Variants in PSD3 observed in about 807,000 individuals in gnomAD.
The protein encoded by PSD3 is PH and SEC7 domain-containing protein 3.
In PSD3, 49 loss-of-function variants were observed where a neutral mutation model predicts 105.5. The ratio of observed to expected loss-of-function variants is 0.46; its 90% CI spans 0.37 to 0.59. PSD3 has a LOEUF of 0.59. Among genes scored for constraint, PSD3 ranks in the 20% least tolerant of loss-of-function variants. The pLI is 0.00. For synonymous variants in PSD3, 557 were observed against 457.8 expected (o/e 1.22, Z -2.77); for missense variants, 1,561 against 1,263.8 (o/e 1.24, Z -3.57).
intron 9 of PSD3, among the ~76,000 whole-genome samples, chr8:18,706,788 T>G (rs1801929382): frequency 6.6e-6 from 1 of 152,232 alleles, no homozygotes; most frequent in Admixed American, 6.5e-5. Context: ...TAGCTTCCTT[T>G]GTCCTGATGC....
chr8:18,644,222 C>T (rs1476808492), intron 10 of PSD3, among the ~76,000 whole-genome samples: 2 of 152,240 alleles, frequency 1.3e-5, no homozygotes, highest in African/African-American at 2.4e-5. Flanking sequence ...CTTTATCATT[C>T]TTTGTAAGGC....
At chr8:18,553,447 G>A (rs147803851) in intron 15 of PSD3, among the ~76,000 whole-genome samples, 2 of 152,188 alleles carry the variant, frequency 1.3e-5, no homozygotes, top group Non-Finnish European at 2.9e-5. Flanking sequence ...GTTTCTCAGA[G>A]AATTACTTCC....
chr8:18,737,311 T>A (rs918853737), intron 9 of PSD3, among the ~76,000 whole-genome samples: 1 of 152,278 alleles, frequency 6.6e-6, no homozygotes, highest in African/African-American at 2.4e-5. Context: ...GGTACTATGC[T>A]GTGCTATTTG....
chr8:19,037,497 G>T (rs1277644713), intron 1 of PSD3, among the ~76,000 whole-genome samples: 1 of 152,208 alleles, frequency 6.6e-6, no homozygotes, highest in African/African-American at 2.4e-5. Context: ...CACAAAGCTG[G>T]TAAAAAATTA....
intron 9 of PSD3, among the ~76,000 whole-genome samples, chr8:18,657,165 G>A (rs2410591): frequency 0.4 from 60,326 of 152,014 alleles, 12,457 homozygotes; most frequent in South Asian, 0.51. Context: ...TGTCCAAGCA[G>A]CACAGCAGAG....
chr8:18,960,815 G>A (rs1823864946), intron 1 of PSD3, among the ~76,000 whole-genome samples: 1 of 152,188 alleles, frequency 6.6e-6, no homozygotes, highest in Admixed American at 6.5e-5. Context: ...GCTGGGCACA[G>A]TGGCTAATAT....
intron 4 of PSD3, among the ~76,000 whole-genome samples, chr8:18,841,611 G>C (rs758008256): frequency 2.6e-5 from 4 of 152,126 alleles, no homozygotes; most frequent in African/African-American, 9.7e-5. Context: ...GTGAATGTGT[G>C]GGCTTCTCTG....
At chr8:18,707,929 A>G (rs1474961590) in intron 9 of PSD3, among the ~76,000 whole-genome samples, 2 of 152,236 alleles carry the variant, frequency 1.3e-5, no homozygotes, top group East Asian at 3.9e-4. Flanking sequence ...GTTTGGGGCT[A>G]GAGCTGAATT....
intron 9 of PSD3, among the ~76,000 whole-genome samples, chr8:18,718,327 C>T (rs558127430): frequency 6.6e-6 from 1 of 152,206 alleles, no homozygotes; most frequent in African/African-American, 2.4e-5. Flanking sequence ...CTCAAATTAA[C>T]TTTACTTTTC....
At chr8:18,576,592 C>G (rs1308644660) in intron 12 of PSD3, among the ~76,000 whole-genome samples, 2 of 152,160 alleles carry the variant, frequency 1.3e-5, no homozygotes, top group Admixed American at 6.6e-5. Context: ...TCACAAATCT[C>G]CTTCCAGGGA....
intron 11 of PSD3, among the ~76,000 whole-genome samples, chr8:18,621,526 A>G (rs1265622217): frequency 6.6e-6 from 1 of 152,230 alleles, no homozygotes; most frequent in Non-Finnish European, 1.5e-5. Flanking sequence ...GTAAAAACCT[A>G]GAACTTAATC....
chr8:18,727,305 C>T (rs1413854262), intron 9 of PSD3, among the ~76,000 whole-genome samples: 1 of 144,664 alleles, frequency 6.9e-6, no homozygotes, highest in African/African-American at 2.6e-5. Flanking sequence ...CTACTGCACT[C>T]CAGCCCAGGA....
intron 9 of PSD3, among the ~76,000 whole-genome samples, chr8:18,701,752 T>C (rs911394824): frequency 6.6e-6 from 1 of 152,242 alleles, no homozygotes; most frequent in Non-Finnish European, 1.5e-5. Flanking sequence ...AAGTGAATAT[T>C]TGCTTTAATA....
chr8:19,024,233 A>T (rs1439289982), intron 1 of PSD3, among the ~76,000 whole-genome samples: 2 of 152,214 alleles, frequency 1.3e-5, no homozygotes, highest in Non-Finnish European at 2.9e-5. Context: ...TTTCACTTAT[A>T]ATCTTTTTTC....
At chr8:18,735,186 A>G (rs974543318) in intron 9 of PSD3, among the ~76,000 whole-genome samples, 2 of 152,160 alleles carry the variant, frequency 1.3e-5, no homozygotes, top group African/African-American at 4.8e-5. Flanking sequence ...GTGGGGCTGT[A>G]GTTCAACTCC....
intron 9 of PSD3, among the ~76,000 whole-genome samples, chr8:18,668,524 C>T (rs1799610043): frequency 6.6e-6 from 1 of 152,148 alleles, no homozygotes; most frequent in East Asian, 1.9e-4. Context: ...GTATTATTCC[C>T]ACTCTAGAAA....
rs180697463 is a variant in PSD3 at position 19,023,064 on chromosome 8, A to G, written c.324+61142T>C. Among the ~76,000 whole-genome samples, 35 of 152,288 alleles carry G rather than the reference A, an allele frequency of 2.3e-4. 1 individual carries two copies. In the East Asian group the frequency reaches 6.4e-3, roughly 28 times the overall value. ...AGATATATGTGCTCATAGGATATCA[A>G]GTTAATCACCTCCATCATAGAGTCT... On this transcript the variant is annotated intron_variant, in intron 1 of 1. Coordinates refer to the PSD3 transcript ENST00000521475.
At chr8:18,836,941 G>T (rs538641123) in intron 4 of PSD3, among the ~76,000 whole-genome samples, 1 of 149,968 alleles carries the variant, frequency 6.7e-6, no homozygotes, top group African/African-American at 2.4e-5. Flanking sequence ...AAAAATTCAA[G>T]TTTCTTACGT....
chr8:18,889,221 G>A (rs1818629337), intron 2 of PSD3, among the ~76,000 whole-genome samples: 1 of 152,138 alleles, frequency 6.6e-6, no homozygotes, highest in African/African-American at 2.4e-5. Flanking sequence ...AACAGCACCT[G>A]CTTAGCAGTG....
Sources: gnomAD v4.1 joint callset for allele counts (sites outside exome capture counted in the v4.1 genomes callset) on GRCh38, gnomAD v4.1.1 for gene constraint, MANE v1.5 for transcripts, NCBI Gene and HGNC (gene_info 2026-07-23, HGNC 2026-07-21) for gene names.